The following NRG3 variants were observed in gnomAD, a reference collection of about 807,000 sequenced individuals.
NRG3 encodes pro-neuregulin-3, membrane-bound isoform.
In NRG3, 31 loss-of-function variants were observed where a neutral mutation model predicts 66.9. The ratio of observed to expected loss-of-function variants is 0.46; its 90% CI spans 0.35 to 0.63. The LOEUF is 0.63. NRG3 is among the 20% of genes least tolerant of loss of function. The pLI is 0.00. For synonymous variants in NRG3, 393 were observed against 359.4 expected (o/e 1.09, Z -1.06); for missense variants, 910 against 878.9 (o/e 1.04, Z -0.45).
At chr10:82,348,963 A>T (rs1256623184) in intron 1 of NRG3, among the ~76,000 whole-genome samples, 1 of 149,180 alleles carries the variant, frequency 6.7e-6, no homozygotes, top group Non-Finnish European at 1.5e-5. Flanking sequence ...CTAGTTATAC[A>T]TTCTTCTAAA....
At chr10:82,599,941 A>G (rs1158932799) in intron 2 of NRG3, among the ~76,000 whole-genome samples, 1 of 152,220 alleles carries the variant, frequency 6.6e-6, no homozygotes, top group Non-Finnish European at 1.5e-5. Flanking sequence ...TTAAATGTAG[A>G]ACTAAAATAT....
chr10:82,290,661 GTC>G (rs779174231), intron 1 of NRG3, among the ~76,000 whole-genome samples: 6 of 150,200 alleles, frequency 4.0e-5, no homozygotes, highest in Non-Finnish European at 7.4e-5. Flanking sequence ...TTGAGATGGA[GTC>G]TCTCTCTGTC....
intron 2 of NRG3, among the ~76,000 whole-genome samples, chr10:82,360,698 CT>C (rs1399249470): frequency 2.0e-5 from 3 of 152,164 alleles, no homozygotes; most frequent in African/African-American, 7.2e-5. Context: ...TGGAAATTTA[CT>C]TTCTCACAGT....
intron 3 of NRG3, among the ~76,000 whole-genome samples, chr10:82,819,695 T>C (rs1024725888): frequency 4.6e-5 from 7 of 152,320 alleles, no homozygotes; most frequent in African/African-American, 1.7e-4. Context: ...TAGTGGTGTT[T>C]GTGCTAATAA....
At chr10:82,730,161 T>G (rs942766616) in intron 2 of NRG3, among the ~76,000 whole-genome samples, 2 of 149,324 alleles carry the variant, frequency 1.3e-5, no homozygotes, top group Non-Finnish European at 3.0e-5. Flanking sequence ...TCTCGGCCAA[T>G]GCAAGCTCTG....
At chr10:82,934,621 A>T (rs1487081835) in intron 4 of NRG3, among the ~76,000 whole-genome samples, 1 of 152,210 alleles carries the variant, frequency 6.6e-6, no homozygotes, top group Non-Finnish European at 1.5e-5. Context: ...GTCACTACAG[A>T]GTAGGAACCA....
chr10:82,380,000 C>G (rs1290516602), intron 2 of NRG3, among the ~76,000 whole-genome samples: 1 of 151,096 alleles, frequency 6.6e-6, no homozygotes, highest in Non-Finnish European at 1.5e-5. Flanking sequence ...TTATAATATT[C>G]AATATTAAAT....
chr10:82,030,569 C>T (rs937759412), intron 1 of NRG3, among the ~76,000 whole-genome samples: 1 of 151,948 alleles, frequency 6.6e-6, no homozygotes, highest in Non-Finnish European at 1.5e-5. Context: ...AAACGTGATT[C>T]ATACCAAAAC....
intron 2 of NRG3, among the ~76,000 whole-genome samples, chr10:82,585,658 A>G (rs567649819): frequency 6.6e-6 from 1 of 152,102 alleles, no homozygotes; most frequent in Non-Finnish European, 1.5e-5. Context: ...TTTTGAGGGT[A>G]TTATTTCTTC....
chr10:82,521,847 C>A (rs1846219160), intron 2 of NRG3, among the ~76,000 whole-genome samples: 1 of 152,082 alleles, frequency 6.6e-6, no homozygotes, highest in Non-Finnish European at 1.5e-5. Context: ...TTTGTTGTCA[C>A]TTCAACAATG....
chr10:82,297,259 T>C (rs1264531167), intron 1 of NRG3, among the ~76,000 whole-genome samples: 2 of 136,358 alleles, frequency 1.5e-5, no homozygotes, highest in Non-Finnish European at 3.1e-5. Context: ...GCAGGTGTCT[T>C]TTTGATAAAA....
At chr10:82,283,196 G>A (rs777164966) in intron 1 of NRG3, among the ~76,000 whole-genome samples, 3 of 152,052 alleles carry the variant, frequency 2.0e-5, no homozygotes, top group Admixed American at 6.6e-5. Context: ...TGGATCCTTT[G>A]TGTGCTTAGT....
chr10:82,540,581 T>C (rs2043477168), intron 2 of NRG3, among the ~76,000 whole-genome samples: 1 of 151,884 alleles, frequency 6.6e-6, no homozygotes, highest in Non-Finnish European at 1.5e-5. Context: ...CCTGGAGTGT[T>C]GGAGCCCAGG....
At chr10:82,287,411 T>C (rs1007398594) in intron 1 of NRG3, among the ~76,000 whole-genome samples, 46 of 152,196 alleles carry the variant, frequency 3.0e-4, no homozygotes, top group African/African-American at 1.0e-3. Context: ...CCTGCAGAAC[T>C]GTGAGCCAAT....
intron 2 of NRG3, among the ~76,000 whole-genome samples, chr10:82,613,075 A>T (rs1251359959): frequency 6.6e-6 from 1 of 152,204 alleles, no homozygotes; most frequent in Admixed American, 6.5e-5. Flanking sequence ...GTATTGACAT[A>T]GTTGTTACTC....
chr10:82,548,345 G>A (rs1165890051), intron 2 of NRG3, among the ~76,000 whole-genome samples: 2 of 151,710 alleles, frequency 1.3e-5, no homozygotes, highest in African/African-American at 2.4e-5. Context: ...TGCCAGAAGG[G>A]CCTGGACAAG....
At chr10:81,970,501 C>CTCTATTATT (rs1461989684) in intron 1 of NRG3, among the ~76,000 whole-genome samples, 2 of 152,092 alleles carry the variant, frequency 1.3e-5, no homozygotes, top group African/African-American at 4.8e-5. Flanking sequence ...CAGTGTAATT[C>CTCTATTATT]TCTATTATTT....
intron 2 of NRG3, among the ~76,000 whole-genome samples, chr10:82,673,519 TGGAATTAA>T (rs887675297): frequency 2.6e-5 from 4 of 152,210 alleles, no homozygotes; most frequent in African/African-American, 9.6e-5. Context: ...TTACTGTATT[TGGAATTAA>T]GGTGACATAG....
intron 2 of NRG3, among the ~76,000 whole-genome samples, chr10:82,660,062 G>T (rs1304031695): frequency 6.6e-6 from 1 of 151,560 alleles, no homozygotes; most frequent in African/African-American, 2.4e-5. Flanking sequence ...TGGGCATGGT[G>T]GTGGTTGCCT....
Sources: gnomAD v4.1 joint callset for allele counts (sites outside exome capture counted in the v4.1 genomes callset) on GRCh38, gnomAD v4.1.1 for gene constraint, MANE v1.5 for transcripts, NCBI Gene and HGNC (gene_info 2026-07-23, HGNC 2026-07-21) for gene names.